The following PTPRE variants were observed in gnomAD, a reference collection of about 807,000 sequenced individuals.
PTPRE encodes the protein protein tyrosine phosphatase receptor type E, also known as receptor-type tyrosine-protein phosphatase epsilon.
PTPRE carries 51 observed loss-of-function variants against 102.0 expected under a neutral mutation model. That is an observed-to-expected ratio of 0.50 (90% confidence interval 0.40 to 0.63). PTPRE has a LOEUF of 0.63. Among genes scored for constraint, PTPRE ranks in the 30% least tolerant of loss-of-function variants. The pLI is 0.00. For missense variants in PTPRE, 752 were observed against 915.1 expected (o/e 0.82, Z 2.30); for synonymous variants, 345 against 348.2 (o/e 0.99, Z 0.10).
At chr10:128,011,033 T>C (rs781491075) in intron 2 of PTPRE, among the ~76,000 whole-genome samples, 3 of 152,218 alleles carry the variant, frequency 2.0e-5, no homozygotes, top group Non-Finnish European at 2.9e-5. Context: ...TACTTTGAGT[T>C]ATAGTCTCCA....
chr10:127,925,702 C>T (rs1401792319), intron 1 of PTPRE, among the ~76,000 whole-genome samples: 1 of 152,148 alleles, frequency 6.6e-6, no homozygotes, highest in African/African-American at 2.4e-5. Context: ...ATCCCTGGGG[C>T]TATCACCCTA....
chr10:128,026,333 G>A (rs571656570), intron 2 of PTPRE, among the ~76,000 whole-genome samples: 146 of 152,346 alleles, frequency 9.6e-4, no homozygotes, highest in Admixed American at 5.2e-4. Flanking sequence ...GAGGCCCCCT[G>A]CACGCTTGCC....
rs1844705426 is a variant in PTPRE, at chr10:128,008,533, T to G, written c.-8+26237T>G. On this transcript the variant is annotated intron_variant, in intron 2 of 20. Coordinates refer to ENST00000254667, the MANE Select transcript of PTPRE (RefSeq NM_006504.6). The surrounding 1 kb of genome is among the most constrained non-coding windows in gnomAD (Gnocchi z 4.0). Reference sequence around the variant, plus strand: ...TTTATTCTAGTAGGTCAGGGGACTCTGGAGTTGGGGGTGGTATTTCCTGGG... The same window carrying G: ...TTTATTCTAGTAGGTCAGGGGACTCGGGAGTTGGGGGTGGTATTTCCTGGG... Among the ~76,000 whole-genome samples the G allele has an allele frequency of 6.6e-6, 1 of 152,186 alleles. No homozygotes were observed. Among genetic ancestry groups the G allele is most frequent in the African/African-American group, 2.4e-5 (1 of 41,440 alleles).
chr10:128,042,273 A>T (rs11016033), intron 3 of PTPRE, among the ~76,000 whole-genome samples: 51,688 of 152,066 alleles, frequency 0.34, 9,462 homozygotes, highest in East Asian at 0.66. Flanking sequence ...TTTGCGCAAC[A>T]GTGGGGAAGA....
At chr10:128,067,361 C>CGTGCACACATGCACACATTCACACAT (rs1446414424) in intron 11 of PTPRE, among the ~76,000 whole-genome samples, 2 of 120,620 alleles carry the variant, frequency 1.7e-5, no homozygotes, top group African/African-American at 6.4e-5. Context: ...CACACGCACA[C>CGTGCACACATGCACACATTCACACAT]GTGCACACAT....
chr10:128,056,679 T>C (rs1848993431), intron 7 of PTPRE, among the ~76,000 whole-genome samples: 1 of 152,040 alleles, frequency 6.6e-6, no homozygotes, highest in Non-Finnish European at 1.5e-5. Flanking sequence ...AATACGAAAT[T>C]TGTAGGTGGG....
chr10:128,052,148 C>G (rs1407617169), intron 6 of PTPRE, among the ~76,000 whole-genome samples: 3 of 152,244 alleles, frequency 2.0e-5, no homozygotes, highest in Non-Finnish European at 4.4e-5. Context: ...AGCACCCGTC[C>G]TCTGAGAGCA....
chr10:128,001,339 C>T (rs1051986273), intron 2 of PTPRE, among the ~76,000 whole-genome samples: 6 of 152,198 alleles, frequency 3.9e-5, no homozygotes, highest in Non-Finnish European at 8.8e-5. Context: ...CACTTGGTGT[C>T]AGTGTGCTGG....
At chr10:128,013,681 G>T (rs1845195405) in intron 2 of PTPRE, among the ~76,000 whole-genome samples, 1 of 152,118 alleles carries the variant, frequency 6.6e-6, no homozygotes, top group South Asian at 2.1e-4. Flanking sequence ...TACAAAATAG[G>T]CTCCAGGGGA....
At chr10:128,054,426 A>G (rs1848791629) in intron 6 of PTPRE, among the ~76,000 whole-genome samples, 1 of 152,134 alleles carries the variant, frequency 6.6e-6, no homozygotes, top group African/African-American at 2.4e-5. Context: ...TGTCAGGCTT[A>G]GATTAGGTCA....
In PTPRE at chr10:128,084,185, A is replaced by C. The variant is rs771992638; in HGVS notation, c.*1279A>C. ...TGGGGTGTGAATGTACCAACACTGA[A>C]TCTTACAGCAGTTATCTTTCTATGG... On this transcript the variant is annotated 3_prime_UTR_variant, in exon 21 of 21. Coordinates refer to ENST00000254667, the MANE Select transcript of PTPRE (RefSeq NM_006504.6). 5.9e-5 allele frequency: 9 copies of C among 152,034 alleles called. No homozygotes were observed. Among genetic ancestry groups the C allele is most frequent in the Non-Finnish European group, 1.0e-4 (7 of 68,020 alleles). The allele number at this position is 152,034 out of a possible 1,614,324, so 9.4% of individuals were successfully genotyped here. A position where few individuals can be genotyped will look rare whatever the true frequency, so the allele number is the denominator to read the frequency against.
chr10:127,909,727 C>T (rs1434924231), intron 1 of PTPRE, among the ~76,000 whole-genome samples: 2 of 152,216 alleles, frequency 1.3e-5, no homozygotes, highest in Non-Finnish European at 2.9e-5. Flanking sequence ...CATGTGCCTA[C>T]CAGTGGAGCC....
At position 128,008,506 on chromosome 10, in the gene PTPRE, C is replaced by T. The variant is rs1444023560; in HGVS notation, c.-8+26210C>T. Among the ~76,000 whole-genome samples, 1 of 152,130 alleles carries T rather than the reference C, an allele frequency of 6.6e-6. No homozygotes were observed. The highest frequency in any genetic ancestry group is 1.9e-4 in the East Asian group (1 of 5,194). On this transcript the variant is annotated intron_variant, in intron 2 of 20. Coordinates refer to ENST00000254667, the MANE Select transcript of PTPRE (RefSeq NM_006504.6). The surrounding 1 kb of genome is among the most constrained non-coding windows in gnomAD (Gnocchi z 4.0). ...TTCTAAACCCAGTTGATCAATATCC[C>T]CTTTATTCTAGTAGGTCAGGGGACT...
intron 1 of PTPRE, among the ~76,000 whole-genome samples, chr10:127,958,436 T>C (rs115291103): frequency 0.016 from 2,424 of 152,346 alleles, 52 homozygotes; most frequent in African/African-American, 0.055. Flanking sequence ...TGCTTTTTTT[T>C]GCATCTGTTG....
At position 128,077,761 on chromosome 10, in the gene PTPRE, C is replaced by T. The variant is rs1179581708; in HGVS notation, c.1870C>T (p.His624Tyr). 4 of 1,604,088 alleles carry T rather than the reference C, an allele frequency of 2.5e-6. No homozygotes were observed. The highest frequency in any genetic ancestry group is 3.3e-4 in the Middle Eastern group (2 of 6,022). ...VQKQQQQTGNHPITVHCSAGA... is the reference protein window; with the variant it reads ...VQKQQQQTGNYPITVHCSAGA... ...GAAGCAGCAGCAGCAGACAGGCAAC[C>T]ACCCCATCACCGTGCACTGCAGGTG... Residue 624 changes from histidine (H) to tyrosine (Y), a missense_variant, in exon 19 of 21, where the codon CAC (histidine) becomes TAC (tyrosine). By Grantham distance (83) the His-to-Tyr change is moderately conservative. This residue lies in a region of PTPRE where 636 missense variants were observed against 824.4 expected (regional missense o/e 0.77). Transcript: ENST00000254667.
At chr10:128,056,013 G>A in intron 6 of PTPRE, 110 bp from the exon 7 acceptor site, 1 of 806,272 alleles carries the variant, frequency 1.2e-6, no homozygotes, top group Non-Finnish European at 2.1e-6. Flanking sequence ...ATGGACAGCA[G>A]GTAGTTTGCT....
At chr10:128,001,897 C>T (rs758323592) in intron 2 of PTPRE, among the ~76,000 whole-genome samples, 3 of 152,196 alleles carry the variant, frequency 2.0e-5, no homozygotes, top group Non-Finnish European at 4.4e-5. Context: ...AGGCTGTGGG[C>T]TCACCTGGTT....
intron 2 of PTPRE, among the ~76,000 whole-genome samples, chr10:128,010,736 T>C (rs1844944007): frequency 6.6e-6 from 1 of 152,010 alleles, no homozygotes; most frequent in Non-Finnish European, 1.5e-5. Flanking sequence ...GGACTACAGG[T>C]GCCCGCGGAC....
chr10:127,955,323 TATATACATACAC>T (rs1216347685), intron 1 of PTPRE, among the ~76,000 whole-genome samples: 1 of 151,712 alleles, frequency 6.6e-6, no homozygotes, highest in Non-Finnish European at 1.5e-5. Context: ...CATACATACA[TATATACATACAC>T]ACATAAAATC....
Sources: allele counts gnomAD v4.1 joint callset (sites outside exome capture counted in the v4.1 genomes callset), GRCh38; gene constraint gnomAD v4.1.1; regional missense constraint gnomAD v4.1.1; non-coding constraint Gnocchi (gnomAD v3.1); transcripts MANE v1.5; gene names NCBI Gene and HGNC (gene_info 2026-07-23, HGNC 2026-07-21).